The following RASA2 variants were observed in gnomAD, a reference collection of about 807,000 sequenced individuals.
The protein encoded by RASA2 is ras GTPase-activating protein 2.
In RASA2, 155 loss-of-function variants were observed where a neutral mutation model predicts 118.2. The ratio of observed to expected loss-of-function variants is 1.31; its 90% CI spans 1.15 to 1.50. The LOEUF (loss-of-function observed/expected upper bound fraction) is 1.50, where lower values mean the gene tolerates loss of function less well. Ranked by LOEUF, RASA2 falls within the 40% of genes most tolerant of loss-of-function variation. The pLI, the probability that RASA2 is intolerant of heterozygous loss-of-function variation, is 0.00. For missense variants in RASA2, 1,016 were observed against 1,009.6 expected (o/e 1.01, Z -0.09); for synonymous variants, 353 against 349.1 (o/e 1.01, Z -0.12).
intron 1 of RASA2, among the ~76,000 whole-genome samples, chr3:141,500,218 C>G (rs758896285): frequency 2.0e-5 from 3 of 152,058 alleles, no homozygotes; most frequent in Admixed American, 2.0e-4. Context: ...CTTGACAGTC[C>G]CCCCTCCTTT....
Position 141,526,708 on chromosome 3 carries a change from T to C in RASA2, c.356-3000T>C, listed in dbSNP as rs1471957251. Among the ~76,000 whole-genome samples the C allele has an allele frequency of 2.6e-5, 4 of 152,344 alleles. No homozygotes were observed. In the East Asian group the frequency reaches 7.7e-4, roughly 29 times the overall value. On this transcript the variant is annotated intron_variant, in intron 3 of 23. Coordinates refer to ENST00000286364, the MANE Select transcript of RASA2 (RefSeq NM_006506.5). ...CCTCATGCAACTAGATCTTTACATA[T>C]CAGAAACTGACATCTTAAAAAGGAG...
intron 9 of RASA2, 69 bp downstream of exon 9, chr3:141,560,064 A>C (rs1443198229): frequency 1.7e-6 from 2 of 1,209,524 alleles, no homozygotes; most frequent in African/African-American, 3.1e-5. Context: ...TATGCAAATA[A>C]ATGCTTACTC....
intron 16 of RASA2, among the ~76,000 whole-genome samples, 182 bp downstream of exon 16, chr3:141,580,633 C>G (rs2083098203): frequency 5.9e-5 from 9 of 151,732 alleles, no homozygotes; most frequent in Non-Finnish European, 1.5e-5. Context: ...TTAAAGAGGA[C>G]AGTTTCAGAA....
At chr3:141,528,161 A>AT (rs1411800674) in intron 3 of RASA2, among the ~76,000 whole-genome samples, 2 of 151,812 alleles carry the variant, frequency 1.3e-5, no homozygotes, top group Non-Finnish European at 3.0e-5. Context: ...TACCACTCGT[A>AT]TTTTTTTAAT....
At chr3:141,599,808 A>G (rs1428616511) in intron 19 of RASA2, among the ~76,000 whole-genome samples, 1 of 151,698 alleles carries the variant, frequency 6.6e-6, no homozygotes, top group Admixed American at 6.6e-5. Context: ...AAAGGAATAC[A>G]TTAAGAGCAT....
At chr3:141,563,407 G>A (rs2082767541) in intron 9 of RASA2, among the ~76,000 whole-genome samples, 1 of 151,906 alleles carries the variant, frequency 6.6e-6, no homozygotes, top group Non-Finnish European at 1.5e-5. Context: ...TAATTCACAA[G>A]GATCCTTCAG....
At position 141,608,488 on chromosome 3, in the gene RASA2, G is replaced by T. The variant is rs375186719; in HGVS notation, c.2017-1G>T. 2 of 1,613,004 alleles carry T rather than the reference G, an allele frequency of 1.2e-6. No individual in the cohort carries two copies. The highest frequency in any genetic ancestry group is 2.7e-5 in the African/African-American group (2 of 74,862). ...ACTTTTTATCTTAATTGCCTATGAA[G>T]ATGTTCCAAGTAATACATACGGAGA... On this transcript the variant is annotated splice_acceptor_variant, in intron 20 of 23. Transcript: ENST00000286364. LOFTEE classifies it high-confidence loss of function.
In RASA2 at chr3:141,553,838, C is replaced by T. The variant is rs75293937; in HGVS notation, c.528-19C>T. The T allele has an allele frequency of 0.024, 38,785 of 1,596,542 alleles. 589 individuals carry two copies. The highest frequency in any genetic ancestry group is 0.027 in the Non-Finnish European group (31,466 of 1,173,220). On this transcript the variant is annotated intron_variant, in intron 5 of 23. Transcript: ENST00000286364. ...TTAACTGGAATCTAATATGTTAAATCTCTTTTATTCTACCTTAGCATCAAG... is the reference window on the plus strand; with the variant it reads ...TTAACTGGAATCTAATATGTTAAATTTCTTTTATTCTACCTTAGCATCAAG...
intron 12 of RASA2, 35 bp from the exon 13 acceptor site, chr3:141,573,112 G>GA (rs765502192): frequency 1.3e-6 from 2 of 1,506,996 alleles, no homozygotes; most frequent in Non-Finnish European, 1.8e-6. Flanking sequence ...AGACTACTTA[G>GA]AAAAAAATCA....
chr3:141,615,228 T>C lies in RASA2; in HGVS notation c.*2915T>C, dbSNP rs1350369698. On this transcript the variant is annotated 3_prime_UTR_variant, in exon 24 of 24. Transcript: ENST00000286364. ...ATGTAGTGAATTTGTGTAACCATGTTGTATTGTTGAGAATGTATTTTTATT... is the reference window on the plus strand; with the variant it reads ...ATGTAGTGAATTTGTGTAACCATGTCGTATTGTTGAGAATGTATTTTTATT... 2 of 152,186 alleles carry C rather than the reference T, an allele frequency of 1.3e-5. No homozygotes were observed. Among genetic ancestry groups the C allele is most frequent in the African/African-American group, 4.8e-5 (2 of 41,456 alleles). The allele number at this position is 152,186 out of a possible 1,614,324, so 9.4% of individuals were successfully genotyped here.
At chr3:141,542,829 A>T (rs189638291) in intron 5 of RASA2, among the ~76,000 whole-genome samples, 163 of 152,186 alleles carry the variant, frequency 1.1e-3, no homozygotes, top group African/African-American at 3.8e-3. Context: ...CTGTCTTTAT[A>T]TCTATAATTT....
chr3:141,584,886 A>G (rs2083175068), intron 17 of RASA2, among the ~76,000 whole-genome samples: 1 of 152,026 alleles, frequency 6.6e-6, no homozygotes, highest in Non-Finnish European at 1.5e-5. Flanking sequence ...CTCTCTCCAT[A>G]TATATTTTTT....
chr3:141,598,289 C>G (rs1331146912), intron 19 of RASA2, among the ~76,000 whole-genome samples: 1 of 152,072 alleles, frequency 6.6e-6, no homozygotes, highest in Non-Finnish European at 1.5e-5. Flanking sequence ...AAAGGACAAT[C>G]CATAATGAAG....
intron 15 of RASA2, among the ~76,000 whole-genome samples, chr3:141,579,691 G>A (rs898390991): frequency 1.3e-5 from 2 of 152,126 alleles, no homozygotes; most frequent in African/African-American, 4.8e-5. Context: ...TATTCCAGAA[G>A]TGACTATAAT....
chr3:141,491,309 CCTT>C (rs1417263415), intron 1 of RASA2, among the ~76,000 whole-genome samples: 1 of 152,210 alleles, frequency 6.6e-6, no homozygotes, highest in Non-Finnish European at 1.5e-5. Context: ...CTTCCCAAAA[CCTT>C]CTGAGACACT....
rs551482059 is a variant in RASA2 at position 141,567,570 on chromosome 3, G to A, written c.864-3342G>A. Among the ~76,000 whole-genome samples the A allele has an allele frequency of 3.3e-5, 5 of 152,190 alleles. No individual in the cohort carries two copies. In the South Asian group the frequency reaches 6.2e-4, roughly 19 times the overall value. ...AAATGTATTTTTAAAACATTAAAAT[G>A]CATTCTTAATGTATTTTACATGTAT... On this transcript the variant is annotated intron_variant, in intron 9 of 23. Transcript: ENST00000286364.
chr3:141,562,386 G>GGC lies in RASA2; in HGVS notation c.863+2391_863+2392insGC, dbSNP rs1416346944. 4.7e-5 allele frequency among the ~76,000 whole-genome samples: 7 copies of GGC among 148,458 alleles called. No individual in the cohort carries two copies. The South Asian group carries it at 1.5e-3, about 32-fold the overall frequency. ...AGCCTGTAATCCCAGCACTTTGGGA[G>GGC]CGCAAGGCAGGCGGATCATGAGGTC... is the stretch of plus-strand genomic sequence containing the variant. On this transcript the variant is annotated intron_variant, in intron 9 of 23. Transcript: ENST00000286364.
At chr3:141,546,279 T>C (rs1469202707) in intron 5 of RASA2, among the ~76,000 whole-genome samples, 1 of 152,208 alleles carries the variant, frequency 6.6e-6, no homozygotes, top group Non-Finnish European at 1.5e-5. Context: ...TTCTCCATAG[T>C]GGTTTTATTA....
chr3:141,597,180 G>A (rs2083386872), intron 19 of RASA2, among the ~76,000 whole-genome samples: 1 of 152,080 alleles, frequency 6.6e-6, no homozygotes, highest in South Asian at 2.1e-4. Context: ...GTAGGAGGAT[G>A]ACTTGAGCTC....
Sources: gnomAD v4.1 joint callset for allele counts (sites outside exome capture counted in the v4.1 genomes callset) on GRCh38, gnomAD v4.1.1 for gene constraint, MANE v1.5 for transcripts, NCBI Gene and HGNC (gene_info 2026-07-23, HGNC 2026-07-21) for gene names.